PEX6: variants seen among roughly 807,000 people sequenced by gnomAD.
PEX6 encodes the protein peroxisomal biogenesis factor 6.
Under a neutral mutation model 85.6 loss-of-function variants are expected in PEX6, and 55 were observed. That is an observed-to-expected ratio of 0.64 (90% CI 0.52 to 0.80). The LOEUF (loss-of-function observed/expected upper bound fraction) is 0.80. PEX6 is among the 30% of genes least tolerant of loss of function. The pLI, the probability that PEX6 is intolerant of heterozygous loss-of-function variation, is 0.00. For synonymous variants in PEX6, 519 were observed against 549.1 expected, an observed-to-expected ratio of 0.95 and a Z score of 0.77; for missense variants, 1,099 against 1,260.3, an observed-to-expected ratio of 0.87 and a Z score of 1.94.
intron 3 of PEX6, among the ~76,000 whole-genome samples, chr6:42,970,276 A>C (rs1447386055): frequency 6.6e-6 from 1 of 152,234 alleles, no homozygotes; most frequent in Non-Finnish European, 1.5e-5. Context: ...CAATGGGAGA[A>C]GCTGCTGCTG....
In PEX6 at chr6:42,965,665, C is replaced by G. The variant is rs914421235; in HGVS notation, c.2471+16G>C. 6.3e-7 allele frequency: 1 copy of G among 1,581,902 alleles called. No individual in the cohort carries two copies. Among genetic ancestry groups the G allele is most frequent in the Non-Finnish European group, 8.7e-7 (1 of 1,150,628 alleles). On this transcript the variant is annotated intron_variant, in intron 13 of 16. Transcript: ENST00000304611. The surrounding 1 kb of genome is among the most constrained non-coding windows in gnomAD (Gnocchi z 5.0). ...ACCCTGGACCCCTCAGCTTTCATTC[C>G]CACTCAGACCCCTACCTGTCCATCA...
At chr6:42,969,518 TG>T in intron 5 of PEX6, 149 bp downstream of exon 5, 2 of 906,760 alleles carry the variant, frequency 2.2e-6, no homozygotes, top group Non-Finnish European at 3.6e-6. Flanking sequence ...AGGAGTGGCC[TG>T]GTGGCCTTGT....
rs970759920 is a variant in PEX6 at position 42,965,978 on chromosome 6, G to C, written c.2362+66C>G. On this transcript the variant is annotated intron_variant, in intron 12 of 16. Coordinates refer to ENST00000304611, the MANE Select transcript of PEX6 (RefSeq NM_000287.4). The surrounding 1 kb of genome is among the most constrained non-coding windows in gnomAD (Gnocchi z 5.0). ...ATGATCATGAGTAGCCTGGGAGTAG[G>C]GGGTGGCTTGGGGGCCATCGGGGTT... is the stretch of plus-strand genomic sequence containing the variant. 3.3e-6 allele frequency: 5 copies of C among 1,532,042 alleles called. No homozygotes were observed. Among genetic ancestry groups the C allele is most frequent in the Non-Finnish European group, 4.5e-6 (5 of 1,106,956 alleles). 94.9% of individuals were successfully genotyped at this position (1,532,042 alleles called of 1,614,324 possible).
At chr6:42,968,812 A>G (rs1164937509) in intron 6 of PEX6, 62 bp downstream of exon 6, 1 of 1,212,792 alleles carries the variant, frequency 8.2e-7, no homozygotes, top group East Asian at 2.3e-5. Context: ...GAAGCAGCAG[A>G]GAGGGAGAAC....
In PEX6 at chr6:42,978,377, G is replaced by A; in HGVS notation, c.774C>T (p.Gly258=). The A allele has an allele frequency of 6.2e-7, 1 of 1,614,182 alleles. No individual in the cohort carries two copies. Among genetic ancestry groups the A allele is most frequent in the Non-Finnish European group, 8.5e-7 (1 of 1,180,024 alleles). The change falls in exon 1 of 17, where the codon GGC becomes GGT. Residue 258 remains glycine, a synonymous_variant. Coordinates refer to ENST00000304611, the MANE Select transcript of PEX6 (RefSeq NM_000287.4). The part of the protein sequence containing the change: ...RWDLSDRLGP[G]SGPLGEPLAD... ...CGAGGGGCTCTCCCAGCGGTCCAGA[G>A]CCGGGTCCCAGTCTATCAGAGAGGT... is the stretch of plus-strand genomic sequence containing the variant.
rs1581759118 is a variant in PEX6, at chr6:42,965,772, C to T, written c.2380G>A (p.Ala794Thr). The T allele has an allele frequency of 2.5e-6, 4 of 1,613,978 alleles. No homozygotes were observed. Among genetic ancestry groups the T allele is most frequent in the Non-Finnish European group, 3.4e-6 (4 of 1,179,902 alleles). ...AAGAAGATAATGCATGGAGCTGCAG[C>T]CCTGGCCCTGGCAAACACTGAAGAG... ...NVREVFARAR[A>T]AAPCIIFFDE... Residue 794 changes from alanine (A) to threonine (T), a missense_variant, in exon 13 of 17, where the codon GCT becomes ACT. Transcript: ENST00000304611. This position sits in a 1 kb window ranked among gnomAD's most constrained non-coding sequence, Gnocchi z 5.0.
intron 5 of PEX6, among the ~76,000 whole-genome samples, chr6:42,969,278 G>C (rs933093825): frequency 6.6e-6 from 1 of 152,226 alleles, no homozygotes; most frequent in Non-Finnish European, 1.5e-5. Flanking sequence ...ATGGTATTGA[G>C]AGACATTGTG....
At position 42,964,943 on chromosome 6, in the gene PEX6, C is replaced by T; in HGVS notation, c.2667-14G>A. ...TCTAGCTTGAATCTGTTGTGGGATACAGGAAGAAACAGAGTTGGCATCACC... is the reference window on the plus strand; with the variant it reads ...TCTAGCTTGAATCTGTTGTGGGATATAGGAAGAAACAGAGTTGGCATCACC... On this transcript the variant is annotated splice_polypyrimidine_tract_variant and intron_variant, in intron 15 of 16. Transcript: ENST00000304611. The surrounding 1 kb of genome is among the most constrained non-coding windows in gnomAD (Gnocchi z 4.6). The T allele has an allele frequency of 6.2e-7, 1 of 1,614,158 alleles. No individual in the cohort carries two copies. Among genetic ancestry groups the T allele is most frequent in the Non-Finnish European group, 8.5e-7 (1 of 1,180,028 alleles).
Position 42,964,335 on chromosome 6 carries a change from C to T in PEX6, c.2943G>A (p.Ter981=), listed in dbSNP as rs747103168. 6.2e-7 allele frequency: 1 copy of T among 1,613,578 alleles called. No individual in the cohort carries two copies. The highest frequency in any genetic ancestry group is 8.5e-7 in the Non-Finnish European group (1 of 1,179,934). The change falls in exon 17 of 17, where the codon TAG becomes TAA. Residue 981 remains the stop codon, a stop_retained_variant. Transcript: ENST00000304611. The surrounding 1 kb of genome is among the most constrained non-coding windows in gnomAD (Gnocchi z 4.6). Reference sequence around the variant, plus strand: ...CGGGGTCCCAGACCCTGGGGGGCTCCTAGCAGGCAGCAAACTTGCGCTGGA... The same window carrying T: ...CGGGGTCCCAGACCCTGGGGGGCTCTTAGCAGGCAGCAAACTTGCGCTGGA... ...KRIQRKFAAC[*]
chr6:42,972,993 G>A (rs1004032598), intron 3 of PEX6, among the ~76,000 whole-genome samples: 23 of 151,992 alleles, frequency 1.5e-4, no homozygotes, highest in Non-Finnish European at 2.4e-4. Flanking sequence ...TCTTTAAAAA[G>A]AAAAGAATTT....
At chr6:42,972,960 C>T (rs188569586) in intron 3 of PEX6, among the ~76,000 whole-genome samples, 1 of 152,150 alleles carries the variant, frequency 6.6e-6, no homozygotes, top group East Asian at 1.9e-4. Context: ...GGAATCCCGT[C>T]TTGGTCTAGG....
At position 42,978,615 on chromosome 6, in the gene PEX6, G is replaced by A; in HGVS notation, c.536C>T (p.Pro179Leu). ...AACCGCAAAGGAGGACACCACGGGC[G>A]GGGGTGGGGGCCGACTGCTGTCCCC... ...ESGDSSRPPP[P>L]PVVSSFAVSG... Residue 179 changes from proline to leucine, a missense_variant, in exon 1 of 17, where the codon CCG becomes CTG. Physicochemically the swap from Pro to Leu is moderately conservative, Grantham distance 98. This residue lies in a region of PEX6 where 579 missense variants were observed against 611.6 expected (regional missense o/e 0.95). Transcript: ENST00000304611. The A allele has an allele frequency of 6.2e-7, 1 of 1,601,232 alleles. No individual in the cohort carries two copies. Among genetic ancestry groups the A allele is most frequent in the East Asian group, 2.3e-5 (1 of 44,306 alleles).
rs1178075365 is a variant in PEX6, at chr6:42,974,814, G to A, written c.1046+61C>T. ...TCTGGGGTACTTGGTTCTAAGGCATGGGATAGGAGGAATGTAATGAGGGTG... is the reference window on the plus strand; with the variant it reads ...TCTGGGGTACTTGGTTCTAAGGCATAGGATAGGAGGAATGTAATGAGGGTG... On this transcript the variant is annotated intron_variant, in intron 2 of 16. Transcript: ENST00000304611. The A allele has an allele frequency of 2.7e-6, 4 of 1,481,868 alleles. No homozygotes were observed. In the African/African-American group the frequency reaches 4.2e-5, roughly 15 times the overall value. 91.8% of individuals were successfully genotyped at this position (1,481,868 alleles called of 1,614,324 possible).
chr6:42,970,028 A>G (rs1268307925), intron 3 of PEX6, 41 bp from the exon 4 acceptor site: 3 of 1,473,036 alleles, frequency 2.0e-6, no homozygotes. Context: ...TCCAGAGTCC[A>G]AAAACCCCCC....
Position 42,969,000 on chromosome 6 carries a change from C to T in PEX6, c.1368-15G>A, listed in dbSNP as rs751235511. The T allele has an allele frequency of 5.8e-6, 9 of 1,563,098 alleles. No individual in the cohort carries two copies. The highest frequency in any genetic ancestry group is 7.1e-6 in the Non-Finnish European group (8 of 1,134,100). On this transcript the variant is annotated splice_polypyrimidine_tract_variant and intron_variant, in intron 5 of 16. Transcript: ENST00000304611. ...GCAGGGCACCCCTGCAACCAGAGAA[C>T]AGACATTCGTCTCCTTCATTTTGCC...
chr6:42,973,963 G>T (rs1770162223), intron 3 of PEX6, 40 bp downstream of exon 3: 4 of 1,408,134 alleles, frequency 2.8e-6, no homozygotes, highest in South Asian at 2.3e-5. Flanking sequence ...ATGCACCCAG[G>T]TTACAAATCC....
At position 42,979,154 on chromosome 6, in the gene PEX6, G is replaced by A; in HGVS notation, c.-4C>T. 2.5e-6 allele frequency: 4 copies of A among 1,577,458 alleles called. No individual in the cohort carries two copies. The highest frequency in any genetic ancestry group is 3.4e-6 in the Non-Finnish European group (4 of 1,170,382). The stretch of plus-strand genomic sequence containing the variant: ...CCCGCAAGACAGCCAGCGCCATGGT[G>A]ACAGGACACCAACGAGGAGGGTGAA... On this transcript the variant is annotated 5_prime_UTR_variant, in exon 1 of 17. Coordinates refer to ENST00000304611, the MANE Select transcript of PEX6 (RefSeq NM_000287.4).
In PEX6 at chr6:42,978,278, G is replaced by A. The variant is rs754432833; in HGVS notation, c.873C>T (p.Leu291=). The A allele has an allele frequency of 2.5e-6, 4 of 1,614,170 alleles. No homozygotes were observed. In the African/African-American group the frequency reaches 4.0e-5, roughly 16 times the overall value. ...CAGTCCTTTATCCTACCTGAATTCT[G>A]AGCTCTCCCATTTCCAGGGGGTCAC... ...LGCDPLEMGE[L]RIQRYLEGSI... The change falls in exon 1 of 17, where the codon CTC becomes CTT. Residue 291 remains leucine, a synonymous_variant. Coordinates refer to ENST00000304611, the MANE Select transcript of PEX6 (RefSeq NM_000287.4).
Position 42,968,385 on chromosome 6 carries a change from C to T in PEX6, c.1593G>A (p.Val531=). 1.2e-6 allele frequency: 2 copies of T among 1,614,174 alleles called. No individual in the cohort carries two copies. The highest frequency in any genetic ancestry group is 2.2e-5 in the South Asian group (2 of 91,084). Residue 531 remains valine, a synonymous_variant, in exon 7 of 17, where the codon GTG becomes GTA. Transcript: ENST00000304611. The part of the protein sequence containing the change: ...CRPAVLLLTA[V]DLLGRDRDGL... Reference sequence around the variant, plus strand: ...CATCACGGTCCCGGCCCAGAAGGTCCACAGCTGTGAGCAACAGGACTGCAG... The same window carrying T: ...CATCACGGTCCCGGCCCAGAAGGTCTACAGCTGTGAGCAACAGGACTGCAG...
Sources: gnomAD v4.1 joint callset for allele counts (sites outside exome capture counted in the v4.1 genomes callset) on GRCh38, gnomAD v4.1.1 for gene constraint, gnomAD v4.1.1 regional missense constraint, Gnocchi (gnomAD v3.1) non-coding constraint, MANE v1.5 for transcripts, NCBI Gene and HGNC (gene_info 2026-07-23, HGNC 2026-07-21) for gene names.